The following VPS13C variants were observed in gnomAD, a reference collection of about 807,000 sequenced individuals.
VPS13C encodes the protein vacuolar protein sorting 13 homolog C, also known as intermembrane lipid transfer protein VPS13C.
Under a neutral mutation model 456.8 loss-of-function variants are expected in VPS13C, and 358 were observed. The observed-to-expected ratio is 0.78, with a 90% CI of 0.72 to 0.86. The LOEUF (loss-of-function observed/expected upper bound fraction) is 0.86, where lower values mean the gene tolerates loss of function less well. Ranked by LOEUF, VPS13C falls within the 40% of genes least tolerant of loss-of-function variation. VPS13C has a pLI of 0.00. For missense variants in VPS13C, 4,818 were observed against 4,385.4 expected, an observed-to-expected ratio of 1.10 and a Z score of -2.79; for synonymous variants, 1,578 against 1,486.7, an observed-to-expected ratio of 1.06 and a Z score of -1.41.
intron 74 of VPS13C, 37 bp from the exon 75 acceptor site, chr15:61,877,091 T>C: frequency 6.8e-7 from 1 of 1,480,858 alleles, no homozygotes; most frequent in Non-Finnish European, 9.2e-7. Flanking sequence ...AAGATACTAA[T>C]ATTATATGAT....
intron 18 of VPS13C, among the ~76,000 whole-genome samples, chr15:61,987,459 G>A (rs1405293622): frequency 1.3e-5 from 2 of 152,150 alleles, no homozygotes; most frequent in African/African-American, 4.8e-5. Context: ...TTGTGCAGGG[G>A]AACTCCCATG....
At chr15:61,980,394 G>C (rs1161308644) in intron 22 of VPS13C, among the ~76,000 whole-genome samples, 3 of 152,042 alleles carry the variant, frequency 2.0e-5, no homozygotes, top group Admixed American at 2.0e-4. Flanking sequence ...ACTTTCTGGA[G>C]GCCCAAAGAA....
At chr15:61,863,764 G>T in intron 81 of VPS13C, 2 of 330,886 alleles carry the variant, frequency 6.0e-6, no homozygotes, top group Middle Eastern at 8.5e-4. Context: ...GTGGTCTTCT[G>T]GTAAAATACA....
At position 61,920,491 on chromosome 15, in the gene VPS13C, G is replaced by T. The variant is rs1207234399; in HGVS notation, c.7212+7C>A. On this transcript the variant is annotated splice_region_variant and intron_variant, in intron 56 of 84. Coordinates refer to ENST00000644861, the MANE Select transcript of VPS13C (RefSeq NM_020821.3). ...CTTGAAATATTCTAAGCAAGATTCA[G>T]ACATACTTTTGCTAAATTGTTGAAA... The T allele has an allele frequency of 5.9e-6, 9 of 1,518,964 alleles. No individual in the cohort carries two copies. Among genetic ancestry groups the T allele is most frequent in the South Asian group, 1.3e-5 (1 of 75,494 alleles). The allele number at this position is 1,518,964 out of a possible 1,614,324, so 94.1% of individuals were successfully genotyped here.
At chr15:62,048,994 T>C (rs1241722767) in intron 1 of VPS13C, among the ~76,000 whole-genome samples, 1 of 150,816 alleles carries the variant, frequency 6.6e-6, no homozygotes, top group African/African-American at 2.4e-5. Flanking sequence ...TTGTAGATTC[T>C]GGATATTAGC....
At position 61,866,537 on chromosome 15, in the gene VPS13C, G is replaced by T. The variant is rs149084217; in HGVS notation, c.10863+2122C>A. On this transcript the variant is annotated intron_variant, in intron 81 of 84. Transcript: ENST00000644861. ...TTGTTACTTTAGAATCTCAGGAAGG[G>T]TAACTATTGGAGATGATTTAAGTCA... 938 of 985,076 alleles carry T rather than the reference G, an allele frequency of 9.5e-4. 2 individuals are homozygous for T. The highest frequency in any genetic ancestry group is 1.0e-3 in the Non-Finnish European group (864 of 829,656). 61.0% of individuals were successfully genotyped at this position (985,076 alleles called of 1,614,324 possible).
At chr15:61,974,900 G>T (rs753953406) in intron 24 of VPS13C, among the ~76,000 whole-genome samples, 1 of 152,066 alleles carries the variant, frequency 6.6e-6, no homozygotes, top group Non-Finnish European at 1.5e-5. Flanking sequence ...TACTCACTAC[G>T]AATCACCACT....
chr15:61,987,545 AATT>A (rs71431419), intron 18 of VPS13C, among the ~76,000 whole-genome samples: 8,524 of 152,234 alleles, frequency 0.056, 305 homozygotes, highest in Non-Finnish European at 0.08. Flanking sequence ...CCCATGATTC[AATT>A]ATTACCACTT....
At chr15:61,981,270 C>A in intron 22 of VPS13C, 72 bp downstream of exon 22, 5 of 1,451,238 alleles carry the variant, frequency 3.4e-6, no homozygotes, top group Non-Finnish European at 2.7e-6. Context: ...AAGAAAAAAA[C>A]AGCAAACTGT....
chr15:62,007,576 T>C, intron 14 of VPS13C, 97 bp from the exon 15 acceptor site: 2 of 1,113,252 alleles, frequency 1.8e-6, no homozygotes, highest in Non-Finnish European at 2.4e-6. Flanking sequence ...GTCAAATTTT[T>C]TGTTCTTCTT....
At chr15:61,887,561 C>A (rs916790273) in intron 67 of VPS13C, among the ~76,000 whole-genome samples, 2 of 152,022 alleles carry the variant, frequency 1.3e-5, no homozygotes, top group African/African-American at 4.8e-5. Flanking sequence ...CATGGTGGCA[C>A]GTGCCTGTAG....
At chr15:61,912,747 T>G (rs35984535) in intron 62 of VPS13C, among the ~76,000 whole-genome samples, 9,333 of 150,426 alleles carry the variant, frequency 0.062, 332 homozygotes, top group Non-Finnish European at 0.08. Context: ...ACCCATTAAC[T>G]GGTCACTTAG....
At chr15:61,949,750 A>C in intron 41 of VPS13C, 145 bp from the exon 42 acceptor site, 1 of 695,732 alleles carries the variant, frequency 1.4e-6, no homozygotes, top group Non-Finnish European at 2.2e-6. Context: ...CTATTAACTC[A>C]CTATTAAAAT....
In VPS13C at chr15:61,941,214, A is replaced by C. The variant is rs1016091944; in HGVS notation, c.5454-420T>G. Among the ~76,000 whole-genome samples, 5 of 152,206 alleles carry C rather than the reference A, an allele frequency of 3.3e-5. 1 individual carries two copies. Among genetic ancestry groups the C allele is most frequent in the African/African-American group, 1.2e-4 (5 of 41,452 alleles). On this transcript the variant is annotated intron_variant, in intron 46 of 84. Transcript: ENST00000644861. ...TCTCCAGACTCAAGGGGGAAACTCAACTAATCTAAAAGTTAAACGAACATA... is the reference window on the plus strand; with the variant it reads ...TCTCCAGACTCAAGGGGGAAACTCACCTAATCTAAAAGTTAAACGAACATA...
chr15:61,894,654 T>C lies in VPS13C; in HGVS notation c.9106-4254A>G, dbSNP rs147283346. On this transcript the variant is annotated intron_variant, in intron 66 of 84. Coordinates refer to ENST00000644861, the MANE Select transcript of VPS13C (RefSeq NM_020821.3). ...TACAAAAAGAGACAAAGTCACTATATAATGATAAAGAGGTCAATTCAGAAA... is the reference window on the plus strand; with the variant it reads ...TACAAAAAGAGACAAAGTCACTATACAATGATAAAGAGGTCAATTCAGAAA... Among the ~76,000 whole-genome samples, 21 of 152,246 alleles carry C rather than the reference T, an allele frequency of 1.4e-4. No individual in the cohort carries two copies. In the East Asian group the frequency reaches 3.9e-3, roughly 28 times the overall value.
chr15:61,902,282 A>G (rs1454699920), intron 66 of VPS13C, among the ~76,000 whole-genome samples: 1 of 149,206 alleles, frequency 6.7e-6, no homozygotes, highest in Admixed American at 6.7e-5. Context: ...AAAAAACGTA[A>G]AAAAAAAAAT....
At chr15:62,003,281 A>G (rs1387434996) in intron 15 of VPS13C, among the ~76,000 whole-genome samples, 2 of 150,998 alleles carry the variant, frequency 1.3e-5, no homozygotes, top group East Asian at 1.9e-4. Flanking sequence ...CTTTGAATCA[A>G]TTGTGAATGG....
At position 62,040,580 on chromosome 15, in the gene VPS13C, G is replaced by A. The variant is rs568435839; in HGVS notation, c.187+744C>T. Among the ~76,000 whole-genome samples, 5 of 152,072 alleles carry A rather than the reference G, an allele frequency of 3.3e-5. No homozygotes were observed. In the South Asian group the frequency reaches 1.0e-3, roughly 32 times the overall value. On this transcript the variant is annotated intron_variant, in intron 3 of 84. Transcript: ENST00000644861. ...GTAGGGATTGAAGGAGGGGGGTGGA[G>A]GTTCAAAGATTACCTATTGGATACA...
intron 5 of VPS13C, 137 bp from the exon 6 acceptor site, chr15:62,028,557 CA>C: frequency 1.3e-6 from 1 of 768,858 alleles, no homozygotes; most frequent in Non-Finnish European, 2.1e-6. Context: ...TTGGTGACAC[CA>C]AAACTATTTT....
Sources: allele counts gnomAD v4.1 joint callset (sites outside exome capture counted in the v4.1 genomes callset), GRCh38; gene constraint gnomAD v4.1.1; transcripts MANE v1.5; gene names NCBI Gene and HGNC (gene_info 2026-07-23, HGNC 2026-07-21).